Variants in GIPR observed in about 807,000 individuals in gnomAD.
The protein encoded by GIPR is GIP-R.
GIPR carries 74 observed loss-of-function variants against 62.2 expected under a neutral mutation model. The observed-to-expected ratio is 1.19, with a 90% CI of 0.99 to 1.44. The LOEUF is 1.44. Ranked by LOEUF, GIPR falls within the 40% of genes most tolerant of loss-of-function variation. The probability of loss-of-function intolerance (pLI) is 0.00; values close to 1 mark genes in which losing one functional copy is unlikely to be tolerated. For synonymous variants in GIPR, 256 were observed against 262.2 expected (o/e 0.98, Z 0.23); for missense variants, 664 against 611.8 (o/e 1.09, Z -0.90).
intron 4 of GIPR, 58 bp downstream of exon 4, chr19:45,671,450 C>A: frequency 9.8e-7 from 1 of 1,021,092 alleles, no homozygotes. Flanking sequence ...CTAACCTTTG[C>A]CCCCAGACAC....
chr19:45,675,292 C>A (rs767453403), intron 7 of GIPR: 3 of 185,224 alleles, frequency 1.6e-5, no homozygotes, highest in Non-Finnish European at 3.4e-5. Flanking sequence ...AGAAGCCGCA[C>A]GCACCCAGGC....
At chr19:45,673,040 C>A in intron 5 of GIPR, 86 bp downstream of exon 5, 1 of 800,972 alleles carries the variant, frequency 1.2e-6, no homozygotes. Flanking sequence ...ACCCCTTGGA[C>A]TGTTCAGACC....
chr19:45,671,763 C>T (rs994403539), intron 4 of GIPR, among the ~76,000 whole-genome samples: 7 of 150,584 alleles, frequency 4.6e-5, no homozygotes, highest in Non-Finnish European at 8.9e-5. Context: ...TACAGGCGCG[C>T]GCCACCACAC....
At chr19:45,678,407 A>C in intron 12 of GIPR, 181 bp downstream of exon 12, 1 of 759,096 alleles carries the variant, frequency 1.3e-6, no homozygotes, top group East Asian at 2.7e-5. Context: ...CCTGTCGCCC[A>C]GGCTGGAGTA....
Position 45,677,971 on chromosome 19 carries a change from G to T in GIPR, c.990G>T (p.Met330Ile). The change falls in exon 11 of 14, where the codon ATG becomes ATT. Residue 330 changes from methionine (M) to isoleucine (I), a missense_variant. Physicochemically the swap from Met to Ile is conservative, Grantham distance 10 (BLOSUM62 1). Transcript: ENST00000590918. ...TGTCCAAGCTGAGGACACGGCAAAT[G>T]CGCTGCCGGGATTACCGGCTGAGGT... is the stretch of plus-strand genomic sequence containing the variant. ...ILLSKLRTRQMRCRDYRLRLA... is the reference protein window; with the variant it reads ...ILLSKLRTRQIRCRDYRLRLA... 6.2e-7 allele frequency: 1 copy of T among 1,613,912 alleles called. No individual in the cohort carries two copies. The highest frequency in any genetic ancestry group is 2.2e-5 in the East Asian group (1 of 44,868).
chr19:45,675,022 AT>A (rs1240916968), intron 7 of GIPR, 196 bp downstream of exon 7: 27 of 654,400 alleles, frequency 4.1e-5, no homozygotes, highest in Non-Finnish European at 7.5e-5. Context: ...CTCTGCCATC[AT>A]TTAACTCTCC....
At chr19:45,680,411 T>A (rs1412151944) in intron 12 of GIPR, among the ~76,000 whole-genome samples, 1 of 151,324 alleles carries the variant, frequency 6.6e-6, no homozygotes, top group Non-Finnish European at 1.5e-5. Context: ...CCTGTAGTCT[T>A]AGCCACTCTG....
rs577332018 is a variant in GIPR, at chr19:45,677,716, G to C, written c.861G>C (p.Trp287Cys). The change falls in exon 10 of 14, where the codon TGG becomes TGC. Residue 287 changes from tryptophan to cysteine, a missense_variant. Coordinates refer to ENST00000590918, the MANE Select transcript of GIPR (RefSeq NM_000164.4). ...TCTACTCCGCCTTCCCCAGGTGCTG[G>C]GAGCGCAACGAAGTCAAGGCCATTT... ...VRYLYENTQC[W>C]ERNEVKAIWW... The C allele has an allele frequency of 2.1e-5, 34 of 1,612,414 alleles. No homozygotes were observed. In the South Asian group the frequency reaches 3.6e-4, roughly 17 times the overall value.
chr19:45,677,274 G>A lies in GIPR; in HGVS notation c.794-49G>A, dbSNP rs1282916246. Reference sequence around the variant, plus strand: ...CTTGGGCCTGGCGGGGCCCGTGAGCGCGCTGACAGCTGCGGCGGGGTGGGG... The same window carrying A: ...CTTGGGCCTGGCGGGGCCCGTGAGCACGCTGACAGCTGCGGCGGGGTGGGG... On this transcript the variant is annotated intron_variant, in intron 8 of 13. Coordinates refer to ENST00000590918, the MANE Select transcript of GIPR (RefSeq NM_000164.4). 4 of 1,420,240 alleles carry A rather than the reference G, an allele frequency of 2.8e-6. No homozygotes were observed. The East Asian group carries it at 9.8e-5, about 35-fold the overall frequency. The allele number at this position is 1,420,240 out of a possible 1,614,324, so 88.0% of individuals were successfully genotyped here. A position where few individuals can be genotyped will look rare whatever the true frequency, so the allele number is the denominator to read the frequency against.
intron 12 of GIPR, 139 bp downstream of exon 12, chr19:45,678,365 C>A: frequency 1.5e-5 from 15 of 999,214 alleles, no homozygotes; most frequent in Non-Finnish European, 1.6e-5. Flanking sequence ...TTAATTAATT[C>A]ATTCTTTTTT....
At chr19:45,680,191 GTC>G (rs1967153465) in intron 12 of GIPR, among the ~76,000 whole-genome samples, 1 of 152,130 alleles carries the variant, frequency 6.6e-6, no homozygotes, top group South Asian at 2.1e-4. Flanking sequence ...GAGAAACCCT[GTC>G]TCTACTTAAA....
At chr19:45,677,498 G>A in intron 9 of GIPR, 115 bp downstream of exon 9, 1 of 878,368 alleles carries the variant, frequency 1.1e-6, no homozygotes, top group Non-Finnish European at 1.9e-6. Flanking sequence ...CTGGGGATAC[G>A]TGGGCGGGAT....
intron 8 of GIPR, 48 bp downstream of exon 8, chr19:45,677,156 G>T (rs34783010): frequency 0.19 from 304,400 of 1,595,520 alleles, 30,285 homozygotes; most frequent in East Asian, 0.21. Flanking sequence ...CCTCTCCTCG[G>T]CTCCCCCAAC....
chr19:45,679,341 A>G (rs1967111435), intron 12 of GIPR, among the ~76,000 whole-genome samples: 1 of 151,906 alleles, frequency 6.6e-6, no homozygotes, highest in Non-Finnish European at 1.5e-5. Context: ...AATTAGCTGG[A>G]TGTGGTGGCG....
In GIPR at chr19:45,681,836, C is replaced by T. The variant is rs751355492; in HGVS notation, c.1302C>T (p.Gly434=). The change falls in exon 14 of 14, where the codon GGC becomes GGT. Residue 434 remains glycine, a synonymous_variant. Coordinates refer to ENST00000590918, the MANE Select transcript of GIPR (RefSeq NM_000164.4). Reference sequence around the variant, plus strand: ...GCGCCTTCCGGGCCCTGCCCTCCGGCTCCGGCCCGGGCGAGGTCCCCACCA... The same window carrying T: ...GCGCCTTCCGGGCCCTGCCCTCCGGTTCCGGCCCGGGCGAGGTCCCCACCA... ...PERAFRALPS[G]SGPGEVPTSR... The T allele has an allele frequency of 6.2e-5, 97 of 1,555,188 alleles. No individual in the cohort carries two copies. Among genetic ancestry groups the T allele is most frequent in the Admixed American group, 3.7e-4 (19 of 51,186 alleles).
At chr19:45,673,874 A>AAG in intron 5 of GIPR, among the ~76,000 whole-genome samples, 200 bp from the exon 6 acceptor site, 1 of 152,158 alleles carries the variant, frequency 6.6e-6, no homozygotes, top group East Asian at 1.9e-4. Flanking sequence ...AAAAAAAAAA[A>AAG]AATCTCTGGT....
At chr19:45,669,415 G>A in intron 1 of GIPR, 62 bp from the exon 2 acceptor site, 1 of 1,474,198 alleles carries the variant, frequency 6.8e-7, no homozygotes, top group South Asian at 1.2e-5. Context: ...TCCCTGAGGC[G>A]GGGTGACGCT....
chr19:45,679,526 T>C (rs941006188), intron 12 of GIPR, among the ~76,000 whole-genome samples: 2 of 145,974 alleles, frequency 1.4e-5, no homozygotes, highest in African/African-American at 2.5e-5. Flanking sequence ...TGTCAGATGG[T>C]GAGATGTGCC....
chr19:45,675,099 T>C, intron 7 of GIPR: 1 of 434,488 alleles, frequency 2.3e-6, no homozygotes, highest in South Asian at 2.3e-5. Flanking sequence ...ATCATTGAAC[T>C]TTTTCACCAA....
Sources: gnomAD v4.1 joint callset for allele counts (sites outside exome capture counted in the v4.1 genomes callset) on GRCh38, gnomAD v4.1.1 for gene constraint, MANE v1.5 for transcripts, NCBI Gene and HGNC (gene_info 2026-07-23, HGNC 2026-07-21) for gene names.